Variants in NRP1 observed in about 807,000 individuals in gnomAD.
NRP1 encodes neuropilin-1.
In NRP1, 35 loss-of-function variants were observed where a neutral mutation model predicts 106.7. The observed-to-expected ratio is 0.33, with a 90% confidence interval of 0.25 to 0.43. NRP1 has a LOEUF of 0.43. NRP1 is among the 20% of genes least tolerant of loss of function. The probability of loss-of-function intolerance (pLI) is 1.00; values close to 1 mark genes in which losing one functional copy is unlikely to be tolerated. For synonymous variants in NRP1, 437 were observed against 417.9 expected (o/e 1.05, Z -0.56); for missense variants, 1,024 against 1,170.4 (o/e 0.87, Z 1.83).
chr10:33,276,839 A>G (rs1013422184), intron 2 of NRP1, among the ~76,000 whole-genome samples: 1 of 152,174 alleles, frequency 6.6e-6, no homozygotes, highest in South Asian at 2.1e-4. Context: ...TGAAAGGACT[A>G]CAAGAAATAA....
chr10:33,244,863 C>A (rs1217383832), intron 6 of NRP1, among the ~76,000 whole-genome samples: 1 of 152,178 alleles, frequency 6.6e-6, no homozygotes, highest in Non-Finnish European at 1.5e-5. Flanking sequence ...TTGCCTAAAT[C>A]TTGTCAATGA....
At chr10:33,293,674 A>G (rs563866864) in intron 2 of NRP1, among the ~76,000 whole-genome samples, 13 of 152,348 alleles carry the variant, frequency 8.5e-5, no homozygotes, top group African/African-American at 3.1e-4. Flanking sequence ...AGGGGAGAGA[A>G]AACAGAAAAC....
chr10:33,217,453 G>T (rs982007682), intron 8 of NRP1, among the ~76,000 whole-genome samples: 3 of 151,832 alleles, frequency 2.0e-5, no homozygotes, highest in Non-Finnish European at 4.4e-5. Flanking sequence ...ACAATAATTT[G>T]CAGAAAAATT....
At chr10:33,223,365 A>G (rs1839407281) in intron 7 of NRP1, among the ~76,000 whole-genome samples, 1 of 152,144 alleles carries the variant, frequency 6.6e-6, no homozygotes, top group African/African-American at 2.4e-5. Flanking sequence ...TCATGCCAGT[A>G]ATTCCAAAAC....
chr10:33,206,110 A>G (rs948341726), intron 10 of NRP1: 8 of 467,270 alleles, frequency 1.7e-5, no homozygotes, highest in Non-Finnish European at 3.0e-5. Context: ...GCGTGCTTTC[A>G]AAACTGCCAC....
chr10:33,241,101 G>T (rs1379757439), intron 6 of NRP1, among the ~76,000 whole-genome samples: 1 of 152,162 alleles, frequency 6.6e-6, no homozygotes, highest in African/African-American at 2.4e-5. Flanking sequence ...CACAGCAGAT[G>T]TTTGGAACTG....
chr10:33,222,535 A>ATTTATTTT (rs1213013370), intron 7 of NRP1, among the ~76,000 whole-genome samples: 8,616 of 120,188 alleles, frequency 0.072, 356 homozygotes, highest in East Asian at 0.27. Context: ...TTATTTATTT[A>ATTTATTTT]TTTAAGATGG....
chr10:33,295,435 C>G (rs1845319698), intron 2 of NRP1, among the ~76,000 whole-genome samples: 1 of 152,202 alleles, frequency 6.6e-6, no homozygotes, highest in African/African-American at 2.4e-5. Context: ...AGACCAGGTG[C>G]AGTGGCTCAC....
intron 4 of NRP1, among the ~76,000 whole-genome samples, chr10:33,262,573 T>G (rs1842645130): frequency 6.6e-6 from 1 of 151,718 alleles, no homozygotes; most frequent in Admixed American, 6.6e-5. Flanking sequence ...TGTGGTGGTG[T>G]GCACCTGTAA....
chr10:33,210,403 C>G (rs1254335345), intron 9 of NRP1, among the ~76,000 whole-genome samples: 1 of 152,136 alleles, frequency 6.6e-6, no homozygotes, highest in African/African-American at 2.4e-5. Flanking sequence ...AGGAGAAAAG[C>G]ATTTATATCT....
rs1337857872 is a variant in NRP1, at chr10:33,263,867, T to G, written c.437A>C (p.Glu146Ala). 1 of 1,603,002 alleles carries G rather than the reference T, an allele frequency of 6.2e-7. No individual in the cohort carries two copies. The highest frequency in any genetic ancestry group is 8.5e-7 in the Non-Finnish European group (1 of 1,170,130). The change falls in exon 4 of 17, where the codon GAA becomes GCA. Residue 146 changes from glutamate to alanine, a missense_variant. Coordinates refer to ENST00000374867, the MANE Select transcript of NRP1 (RefSeq NM_003873.7). ...IRYEIFKRGP[E>A]CSQNYTTPSG... ...AGGTGTTGTGTAGTTCTGGGAACAT[T>G]CAGGACCTATGAGTAGAAGAGAAAA...
chr10:33,306,348 T>G (rs1030190451), intron 2 of NRP1, among the ~76,000 whole-genome samples: 2 of 105,916 alleles, frequency 1.9e-5, no homozygotes, highest in Non-Finnish European at 3.8e-5. Context: ...ATTCTGCGGG[T>G]CAGAAGGGTG....
At chr10:33,194,596 C>A in intron 12 of NRP1, 2 of 409,204 alleles carry the variant, frequency 4.9e-6, no homozygotes, top group Non-Finnish European at 1.0e-5. Flanking sequence ...AATGTCCTTC[C>A]CCATCCTGTA....
intron 6 of NRP1, among the ~76,000 whole-genome samples, chr10:33,244,924 G>C (rs1202871385): frequency 1.3e-5 from 2 of 152,056 alleles, no homozygotes; most frequent in Non-Finnish European, 2.9e-5. Context: ...ATCCTTATTA[G>C]TGCATTTTGA....
chr10:33,332,226 T>G (rs1450417763), intron 1 of NRP1, among the ~76,000 whole-genome samples: 1 of 152,222 alleles, frequency 6.6e-6, no homozygotes, highest in Admixed American at 6.5e-5. Flanking sequence ...GGGGGTAGTC[T>G]TATGCTGGTT....
At chr10:33,197,612 T>G (rs1478913124) in intron 12 of NRP1, 38 bp downstream of exon 12, 1 of 1,544,178 alleles carries the variant, frequency 6.5e-7, no homozygotes, top group Admixed American at 1.8e-5. Flanking sequence ...AGAAGAGAGG[T>G]ACATGGAATC....
At chr10:33,312,590 C>T (rs1398690713) in intron 2 of NRP1, among the ~76,000 whole-genome samples, 1 of 152,226 alleles carries the variant, frequency 6.6e-6, no homozygotes, top group Non-Finnish European at 1.5e-5. Flanking sequence ...TTCTAATGGG[C>T]CTCTGCAGGC....
At chr10:33,191,220 G>A (rs1836388596) in intron 13 of NRP1, among the ~76,000 whole-genome samples, 1 of 152,086 alleles carries the variant, frequency 6.6e-6, no homozygotes, top group African/African-American at 2.4e-5. Context: ...TAGCAGGAAG[G>A]GGGCAGATAA....
chr10:33,264,672 C>A (rs1465790001), intron 3 of NRP1, among the ~76,000 whole-genome samples: 2 of 152,138 alleles, frequency 1.3e-5, no homozygotes, highest in Non-Finnish European at 2.9e-5. Flanking sequence ...CAGGACTTTA[C>A]AAATTATGGT....
Sources: allele counts gnomAD v4.1 joint callset (sites outside exome capture counted in the v4.1 genomes callset), GRCh38; gene constraint gnomAD v4.1.1; transcripts MANE v1.5; gene names NCBI Gene and HGNC (gene_info 2026-07-23, HGNC 2026-07-21).